Variants in PCDHGA3 observed in about 807,000 individuals in gnomAD.
PCDHGA3 encodes protocadherin gamma subfamily A, 3.
A neutral mutation model predicts 58.5 loss-of-function variants in PCDHGA3; 40 were observed. The observed-to-expected ratio is 0.68, with a 90% CI of 0.53 to 0.89. PCDHGA3 has a LOEUF of 0.89. Among genes scored for constraint, PCDHGA3 ranks in the 40% least tolerant of loss-of-function variants. The probability of loss-of-function intolerance (pLI) is 0.00; values close to 1 mark genes in which losing one functional copy is unlikely to be tolerated. For synonymous variants in PCDHGA3, 530 were observed against 525.7 expected, an observed-to-expected ratio of 1.01 and a Z score of -0.11; for missense variants, 1,223 against 1,195.9, an observed-to-expected ratio of 1.02 and a Z score of -0.33.
At chr5:141,374,328 G>T in intron 1 of PCDHGA3, 1 of 1,613,996 alleles carries the variant, frequency 6.2e-7, no homozygotes, top group Non-Finnish European at 8.5e-7. Flanking sequence ...CCGCGAAACG[G>T]CAGCTTGGTC....
intron 1 of PCDHGA3, among the ~76,000 whole-genome samples, chr5:141,359,447 C>A (rs1761214361): frequency 6.6e-6 from 1 of 151,116 alleles, no homozygotes; most frequent in Non-Finnish European, 1.5e-5. Flanking sequence ...TTTCTTTTAG[C>A]AAATAACAAT....
At chr5:141,361,165 G>A (rs764593303) in intron 1 of PCDHGA3, 7 of 1,613,830 alleles carry the variant, frequency 4.3e-6, no homozygotes, top group Non-Finnish European at 5.9e-6. Flanking sequence ...CAACGATTGT[G>A]CACCTGAAGT....
chr5:141,505,402 T>G lies in PCDHGA3; in HGVS notation c.2493T>G (p.Asn831Lys), dbSNP rs1216666169. 1.9e-6 allele frequency: 3 copies of G among 1,614,014 alleles called. No homozygotes were observed. Among genetic ancestry groups the G allele is most frequent in the Non-Finnish European group, 2.5e-6 (3 of 1,180,034 alleles). Residue 831 changes from asparagine (N) to lysine (K), a missense_variant, in exon 3 of 4, where the codon AAT (asparagine) becomes AAG (lysine). This residue lies in a region of PCDHGA3 where 325 missense variants were observed against 327.5 expected (regional missense o/e 0.99). Coordinates refer to ENST00000253812, the MANE Select transcript of PCDHGA3 (RefSeq NM_018916.4). The part of the protein sequence containing the change: ...AQRPGTSGSQ[N>K]GDDTGTWPNN... ...CCTACTCTCTCCCCAGCTCCCAAAA[T>G]GGCGATGACACCGGCACCTGGCCCA...
At chr5:141,416,711 C>G (rs962144454) in intron 1 of PCDHGA3, 1 of 152,152 alleles carries the variant, frequency 6.6e-6, no homozygotes, top group South Asian at 2.1e-4. Context: ...ATTGGAGGTA[C>G]TGATGAGTTC....
rs1757455170 is a variant in PCDHGA3, at chr5:141,344,684, T to G, written c.651T>G (p.Gly217=). The G allele has an allele frequency of 2.5e-6, 4 of 1,613,988 alleles. No homozygotes were observed. Among genetic ancestry groups the G allele is most frequent in the Non-Finnish European group, 3.4e-6 (4 of 1,179,902 alleles). The part of the protein sequence containing the change: ...IHQLVLVASD[G]GDPVHSGNLH... ...AGCTTGTCCTGGTTGCCTCTGATGGTGGCGACCCTGTCCACTCTGGCAACT... is the reference window on the plus strand; with the variant it reads ...AGCTTGTCCTGGTTGCCTCTGATGGGGGCGACCCTGTCCACTCTGGCAACT... Residue 217 remains glycine (G), a synonymous_variant, in exon 1 of 4, where the codon GGT becomes GGG. Transcript: ENST00000253812.
At chr5:141,505,777 TCTG>T (rs77860300) in intron 3 of PCDHGA3, among the ~76,000 whole-genome samples, 6,508 of 152,280 alleles carry the variant, frequency 0.043, 161 homozygotes, top group Middle Eastern at 0.13. Context: ...AGGTCCTAGC[TCTG>T]CTACTATCCT....
In PCDHGA3 at chr5:141,399,858, T is replaced by G. The variant is rs1003401029; in HGVS notation, c.2424+53401T>G. On this transcript the variant is annotated intron_variant, in intron 1 of 3. Transcript: ENST00000253812. The stretch of plus-strand genomic sequence containing the variant: ...CGCTCTTCGATATGGTGCCGCGCGC[T>G]GCAGAGCCCGGCTACCTGGTGACCA... The G allele has an allele frequency of 3.7e-6, 6 of 1,612,764 alleles. No individual in the cohort carries two copies. In the African/African-American group the frequency reaches 6.7e-5, roughly 18 times the overall value.
chr5:141,413,824 A>C, intron 1 of PCDHGA3: 1 of 1,613,112 alleles, frequency 6.2e-7, no homozygotes, highest in South Asian at 1.1e-5. Flanking sequence ...CCTGGTCCTC[A>C]CCGCCTCCGA....
Position 141,370,705 on chromosome 5 carries a change from T to C in PCDHGA3, c.2424+24248T>C, listed in dbSNP as rs766733768. ...TGTGGCAAGAAGTCGACGTGTGTTC[T>C]GGAATTTGAAATGGTTGCTGAAAAG... On this transcript the variant is annotated intron_variant, in intron 1 of 3. Transcript: ENST00000253812. The C allele has an allele frequency of 5.0e-6, 8 of 1,613,842 alleles. No individual in the cohort carries two copies. Among genetic ancestry groups the C allele is most frequent in the Non-Finnish European group, 6.8e-6 (8 of 1,179,894 alleles).
intron 1 of PCDHGA3, chr5:141,423,675 T>C: frequency 1.3e-6 from 2 of 1,540,488 alleles, no homozygotes; most frequent in Non-Finnish European, 1.7e-6. Flanking sequence ...GATTTATTTC[T>C]CTGCCTCCTA....
chr5:141,486,722 G>C lies in PCDHGA3; in HGVS notation c.2425-8085G>C, dbSNP rs1235454839. The C allele has an allele frequency of 6.2e-7, 1 of 1,614,200 alleles. No homozygotes were observed. Among genetic ancestry groups the C allele is most frequent in the East Asian group, 2.2e-5 (1 of 44,874 alleles). ...CTCTCTGAACCCCCAGACAGGAGCT[G>C]TTCATGCTACTCGATCCTTTGACTA... On this transcript the variant is annotated intron_variant, in intron 1 of 3. Transcript: ENST00000253812. This position sits in a 1 kb window ranked among gnomAD's most constrained non-coding sequence, Gnocchi z 5.0.
rs780380650 is a variant in PCDHGA3 at position 141,432,715 on chromosome 5, C to G, written c.2425-62092C>G. 2.5e-6 allele frequency: 4 copies of G among 1,613,996 alleles called. No homozygotes were observed. Among genetic ancestry groups the G allele is most frequent in the Non-Finnish European group, 3.4e-6 (4 of 1,179,970 alleles). On this transcript the variant is annotated intron_variant, in intron 1 of 3. Transcript: ENST00000253812. The surrounding 1 kb of genome is among the most constrained non-coding windows in gnomAD (Gnocchi z 6.0). ...TGGCCGTCCAGGACCACGGCCAGCC[C>G]CCTCTCTCCGCCACTGTCACGCTCA... is the stretch of plus-strand genomic sequence containing the variant.
chr5:141,431,162 G>C lies in PCDHGA3; in HGVS notation c.2425-63645G>C, dbSNP rs757521794. The C allele has an allele frequency of 3.1e-6, 5 of 1,614,246 alleles. No homozygotes were observed. The South Asian group carries it at 5.5e-5, about 18-fold the overall frequency. On this transcript the variant is annotated intron_variant, in intron 1 of 3. Coordinates refer to ENST00000253812, the MANE Select transcript of PCDHGA3 (RefSeq NM_018916.4). The surrounding 1 kb of genome is among the most constrained non-coding windows in gnomAD (Gnocchi z 4.8). Reference sequence around the variant, plus strand: ...TAACGACAATGCGCCTTACTTTCGTGAAAGTGAATTAGAAATAAAAATTAG... The same window carrying C: ...TAACGACAATGCGCCTTACTTTCGTCAAAGTGAATTAGAAATAAAAATTAG...
chr5:141,371,867 C>T (rs1452583584), intron 1 of PCDHGA3: 3 of 1,613,430 alleles, frequency 1.9e-6, no homozygotes, highest in African/African-American at 1.3e-5. Context: ...CCTACTACAT[C>T]GTGGCCAGTG....
Position 141,485,665 on chromosome 5 carries a change from C to G in PCDHGA3, c.2425-9142C>G. ...AGGCTCAGGATGCAGATGTGGGGAG[C>G]AATTCGATTAGCAGCTATAGGCTGA... On this transcript the variant is annotated intron_variant, in intron 1 of 3. Coordinates refer to ENST00000253812, the MANE Select transcript of PCDHGA3 (RefSeq NM_018916.4). This position sits in a 1 kb window ranked among gnomAD's most constrained non-coding sequence, Gnocchi z 5.7. 1 of 1,612,622 alleles carries G rather than the reference C, an allele frequency of 6.2e-7. No individual in the cohort carries two copies.
At chr5:141,400,036 C>G (rs1232257433) in intron 1 of PCDHGA3, 28 of 1,613,256 alleles carry the variant, frequency 1.7e-5, no homozygotes, top group Non-Finnish European at 2.4e-5. Context: ...GGCCCGCCAG[C>G]GCCTGCTGGT....
chr5:141,384,787 C>T (rs761655907), intron 1 of PCDHGA3: 32 of 1,613,552 alleles, frequency 2.0e-5, no homozygotes, highest in Non-Finnish European at 2.4e-5. Flanking sequence ...GCGCACGGCT[C>T]GGGCCCTGCT....
At position 141,477,748 on chromosome 5, in the gene PCDHGA3, C is replaced by T; in HGVS notation, c.2425-17059C>T. ...CAGCTCATATCAGCGATGGGGGCAC[C>T]CCGGTCCTAGCCACCAACATCAGCG... On this transcript the variant is annotated intron_variant, in intron 1 of 3. Transcript: ENST00000253812. The surrounding 1 kb of genome is among the most constrained non-coding windows in gnomAD (Gnocchi z 4.9). 6.2e-7 allele frequency: 1 copy of T among 1,613,872 alleles called. No homozygotes were observed. The highest frequency in any genetic ancestry group is 1.1e-5 in the South Asian group (1 of 91,080).
At chr5:141,376,640 T>TA in intron 1 of PCDHGA3, 1 of 1,130,380 alleles carries the variant, frequency 8.8e-7, no homozygotes, top group Non-Finnish European at 1.2e-6. Context: ...CGTGATTTTG[T>TA]AAAGTGGAAG....
Sources: gnomAD v4.1 joint callset for allele counts (sites outside exome capture counted in the v4.1 genomes callset) on GRCh38, gnomAD v4.1.1 for gene constraint, gnomAD v4.1.1 regional missense constraint, Gnocchi (gnomAD v3.1) non-coding constraint, MANE v1.5 for transcripts, NCBI Gene and HGNC (gene_info 2026-07-23, HGNC 2026-07-21) for gene names.